The following XRCC4 variants were observed in gnomAD, a reference collection of about 807,000 sequenced individuals.
XRCC4 encodes DNA repair protein XRCC4.
XRCC4 carries 28 observed loss-of-function variants against 39.1 expected under a neutral mutation model. The ratio of observed to expected loss-of-function variants is 0.72; its 90% CI spans 0.53 to 0.98. The LOEUF (loss-of-function observed/expected upper bound fraction) is 0.98, where lower values mean the gene tolerates loss of function less well. Ranked by LOEUF, XRCC4 falls within the 50% of genes least tolerant of loss-of-function variation. The pLI is 0.00. For synonymous variants in XRCC4, 123 were observed against 126.4 expected, an observed-to-expected ratio of 0.97 and a Z score of 0.18; for missense variants, 350 against 376.4, an observed-to-expected ratio of 0.93 and a Z score of 0.58.
chr5:83,323,577 C>A (rs1436895959), intron 7 of XRCC4, among the ~76,000 whole-genome samples: 1 of 151,180 alleles, frequency 6.6e-6, no homozygotes, highest in East Asian at 1.9e-4. Flanking sequence ...AAAAATATTT[C>A]TCTTCTCTTC....
chr5:83,202,517 A>G (rs1751247206), intron 4 of XRCC4, among the ~76,000 whole-genome samples: 1 of 152,212 alleles, frequency 6.6e-6, no homozygotes, highest in Admixed American at 6.5e-5. Flanking sequence ...GGGCATGTAT[A>G]TAAAAGCTAT....
intron 3 of XRCC4, among the ~76,000 whole-genome samples, chr5:83,125,515 C>T (rs1358399214): frequency 6.6e-6 from 1 of 152,124 alleles, no homozygotes; most frequent in Non-Finnish European, 1.5e-5. Context: ...GTTCTAACAC[C>T]ATTAGTTGAA....
intron 1 of XRCC4, among the ~76,000 whole-genome samples, chr5:83,092,387 T>G (rs953204872): frequency 6.6e-6 from 1 of 152,180 alleles, no homozygotes; most frequent in African/African-American, 2.4e-5. Flanking sequence ...CTATCTTTGC[T>G]TTTGTTTCCT....
At chr5:83,371,728 T>C in the XRCC4 span, among the ~76,000 whole-genome samples, 1 of 152,078 alleles carries the variant, frequency 6.6e-6, no homozygotes, top group Non-Finnish European at 1.5e-5. Flanking sequence ...TGTGCCATGA[T>C]AAAAGGAAGA....
chr5:83,156,013 C>T (rs534047243), intron 3 of XRCC4, among the ~76,000 whole-genome samples: 2 of 115,902 alleles, frequency 1.7e-5, no homozygotes, highest in African/African-American at 7.7e-5. Flanking sequence ...AAATCCTCAC[C>T]TCTCATCCCC....
intron 3 of XRCC4, among the ~76,000 whole-genome samples, chr5:83,192,175 TATAC>T (rs1166876015): frequency 1.3e-5 from 2 of 149,184 alleles, no homozygotes; most frequent in South Asian, 2.1e-4. Flanking sequence ...TATATACACG[TATAC>T]ATACATATAT....
the XRCC4 span, among the ~76,000 whole-genome samples, chr5:83,373,787 C>T: frequency 6.6e-6 from 1 of 152,068 alleles, no homozygotes; most frequent in Non-Finnish European, 1.5e-5. Context: ...TTTACCCAAA[C>T]TTTAAAGCAT....
intron 1 of XRCC4, among the ~76,000 whole-genome samples, chr5:83,083,375 A>ATTT (rs576959639): frequency 0.024 from 3,006 of 126,810 alleles, 190 homozygotes; most frequent in African/African-American, 0.074. Context: ...TGAATCTGTA[A>ATTT]TTTTTTTTTT....
At chr5:83,098,229 A>G (rs1745768489) in intron 1 of XRCC4, among the ~76,000 whole-genome samples, 1 of 152,132 alleles carries the variant, frequency 6.6e-6, no homozygotes, top group African/African-American at 2.4e-5. Flanking sequence ...GACTTATTTT[A>G]TAGTACTAAT....
intron 3 of XRCC4, among the ~76,000 whole-genome samples, chr5:83,112,871 G>A (rs1190817647): frequency 6.6e-6 from 1 of 152,096 alleles, no homozygotes; most frequent in Non-Finnish European, 1.5e-5. Flanking sequence ...TAACACTTGG[G>A]AATTATGAGA....
intron 3 of XRCC4, among the ~76,000 whole-genome samples, chr5:83,192,306 A>AT (rs1561393617): frequency 1.9e-5 from 2 of 104,102 alleles, no homozygotes; most frequent in Non-Finnish European, 4.1e-5. Context: ...ACGTATATAT[A>AT]ATATATATAT....
intron 1 of XRCC4, among the ~76,000 whole-genome samples, chr5:83,080,626 G>A (rs1416064873): frequency 1.3e-5 from 2 of 152,056 alleles, no homozygotes; most frequent in African/African-American, 2.4e-5. Context: ...CATTCAGCCC[G>A]GGGCCATGAA....
chr5:83,344,979 C>G (rs1019027149), intron 7 of XRCC4, among the ~76,000 whole-genome samples: 8 of 152,088 alleles, frequency 5.3e-5, no homozygotes, highest in Non-Finnish European at 1.0e-4. Context: ...CTTTAATTTG[C>G]ATTTCCTTGG....
chr5:83,369,992 G>A, the XRCC4 span, among the ~76,000 whole-genome samples: 1 of 152,060 alleles, frequency 6.6e-6, no homozygotes, highest in East Asian at 1.9e-4. Context: ...TTGAAAATAT[G>A]AGTCTTTTTC....
chr5:83,208,429 CG>C lies in XRCC4; in HGVS notation c.745+3509del, dbSNP rs1209879261. Among the ~76,000 whole-genome samples the C allele has an allele frequency of 2.6e-5, 4 of 151,948 alleles. No individual in the cohort carries two copies. In the East Asian group the frequency reaches 5.8e-4, roughly 22 times the overall value. ...TATGAAATGGCAAATTCATATTTAC[CG>C]TATTCACTCTAGGGAAAAGTCTGGT... On this transcript the variant is annotated intron_variant, in intron 6 of 7. Transcript: ENST00000396027.
chr5:83,135,338 C>T (rs1470466551), intron 3 of XRCC4, among the ~76,000 whole-genome samples: 2 of 152,098 alleles, frequency 1.3e-5, no homozygotes, highest in South Asian at 2.1e-4. Context: ...TGTTCCTATT[C>T]GGCCATCTTG....
chr5:83,185,742 A>G (rs1750411712), intron 3 of XRCC4, among the ~76,000 whole-genome samples: 1 of 152,132 alleles, frequency 6.6e-6, no homozygotes, highest in South Asian at 2.1e-4. Flanking sequence ...ATATATAAAT[A>G]CTTAATTTCT....
chr5:83,114,537 C>G (rs970936778), intron 3 of XRCC4, among the ~76,000 whole-genome samples: 5 of 152,220 alleles, frequency 3.3e-5, no homozygotes, highest in Non-Finnish European at 1.5e-5. Flanking sequence ...TAGTTCCCAA[C>G]AAGTTCCTCA....
intron 4 of XRCC4, 97 bp from the exon 5 acceptor site, chr5:83,203,455 T>C: frequency 9.4e-7 from 1 of 1,066,764 alleles, no homozygotes; most frequent in South Asian, 2.1e-5. Context: ...TAATCTTTAA[T>C]TGTATTTTCC....
Sources: allele counts gnomAD v4.1 joint callset (sites outside exome capture counted in the v4.1 genomes callset), GRCh38; gene constraint gnomAD v4.1.1; transcripts MANE v1.5; gene names NCBI Gene and HGNC (gene_info 2026-07-23, HGNC 2026-07-21).